The following ZNF282 variants were observed in gnomAD, a reference collection of about 807,000 sequenced individuals.
ZNF282 encodes the protein HTLV-I U5 repressive element-binding protein 1.
Under a neutral mutation model 61.9 loss-of-function variants are expected in ZNF282, and 30 were observed. The observed-to-expected ratio is 0.48, with a 90% CI of 0.36 to 0.66. The LOEUF is 0.66. ZNF282 is among the 30% of genes least tolerant of loss of function. ZNF282 has a pLI of 0.00. For synonymous variants in ZNF282, 396 were observed against 405.0 expected, an observed-to-expected ratio of 0.98 and a Z score of 0.27; for missense variants, 788 against 941.4, an observed-to-expected ratio of 0.84 and a Z score of 2.13.
At position 149,223,889 on chromosome 7, in the gene ZNF282, CA is replaced by C. The variant is rs1419916990; in HGVS notation, c.1259del (p.Gln420ArgfsTer147). On this transcript the variant is annotated frameshift_variant, in exon 8 of 8. Transcript: ENST00000610704. LOFTEE classifies it low-confidence loss of function (END_TRUNC). ...PQPQPQPPQP[Q>X]LQSQPQPQSL... ...GCCCCAGCCCCAGCCACCGCAGCCGCAGCTGCAGTCGCAGCCCCAGCCCCAG... is the reference window on the plus strand; with the variant it reads ...GCCCCAGCCCCAGCCACCGCAGCCGCGCTGCAGTCGCAGCCCCAGCCCCAG... The C allele has an allele frequency of 7.0e-7, 1 of 1,426,800 alleles. No homozygotes were observed. Among genetic ancestry groups the C allele is most frequent in the Admixed American group, 2.8e-5 (1 of 35,138 alleles). The allele number at this position is 1,426,800 out of a possible 1,614,324, so 88.4% of individuals were successfully genotyped here.
At chr7:149,216,712 G>A (rs544374245) in intron 7 of ZNF282, among the ~76,000 whole-genome samples, 51 of 152,172 alleles carry the variant, frequency 3.4e-4, no homozygotes, top group Non-Finnish European at 5.9e-4. Flanking sequence ...GGGGAGAAGA[G>A]TCAGGGTAGA....
At chr7:149,215,125 TA>T (rs1796142618) in intron 7 of ZNF282, among the ~76,000 whole-genome samples, 1 of 151,886 alleles carries the variant, frequency 6.6e-6, no homozygotes, top group Non-Finnish European at 1.5e-5. Context: ...ATGGCTGACC[TA>T]GTGTCTTCTG....
chr7:149,206,543 A>T, intron 2 of ZNF282, 153 bp from the exon 3 acceptor site: 1 of 1,066,748 alleles, frequency 9.4e-7, no homozygotes, highest in Non-Finnish European at 1.4e-6. Flanking sequence ...GACAGAGAGG[A>T]CTGACTCCAC....
At chr7:149,216,422 C>T (rs1353277396) in intron 7 of ZNF282, among the ~76,000 whole-genome samples, 4 of 152,162 alleles carry the variant, frequency 2.6e-5, no homozygotes, top group Non-Finnish European at 5.9e-5. Context: ...TTTGAAGGAC[C>T]TTTGAACCCT....
At position 149,217,521 on chromosome 7, in the gene ZNF282, G is replaced by A. The variant is rs144374019; in HGVS notation, c.1180+3707G>A. Among the ~76,000 whole-genome samples, 67 of 152,136 alleles carry A rather than the reference G, an allele frequency of 4.4e-4. 1 individual carries two copies. Among genetic ancestry groups the A allele is most frequent in the Non-Finnish European group, 8.5e-4 (58 of 67,984 alleles). Reference sequence around the variant, plus strand: ...GGAGGTTGCAGTGAGCCAAGATTGCGCCCCTGCACTACAGCCTGGGTGGCA... The same window carrying A: ...GGAGGTTGCAGTGAGCCAAGATTGCACCCCTGCACTACAGCCTGGGTGGCA... On this transcript the variant is annotated intron_variant, in intron 7 of 7. Coordinates refer to ENST00000610704, the MANE Select transcript of ZNF282 (RefSeq NM_003575.4).
At chr7:149,223,788 T>C in intron 7 of ZNF282, 24 bp from the exon 8 acceptor site, 1 of 1,479,952 alleles carries the variant, frequency 6.8e-7, no homozygotes, top group Non-Finnish European at 8.9e-7. Context: ...CCTGTCAGCA[T>C]GTCACTTCTT....
chr7:149,207,191 G>A (rs1334902705), intron 3 of ZNF282, among the ~76,000 whole-genome samples, 160 bp from the exon 4 acceptor site: 1 of 65,200 alleles, frequency 1.5e-5, no homozygotes, highest in Admixed American at 1.8e-4. Flanking sequence ...GGCATCTATC[G>A]ACTCGTTTTC....
At chr7:149,207,220 G>A (rs1796005636) in intron 3 of ZNF282, 131 bp from the exon 4 acceptor site, 4 of 1,177,892 alleles carry the variant, frequency 3.4e-6, no homozygotes, top group Non-Finnish European at 4.6e-6. Flanking sequence ...CGCCTAACTC[G>A]CATAACTGCT....
chr7:149,224,533 G>A lies in ZNF282; in HGVS notation c.1902G>A (p.Glu634=), dbSNP rs1399738255. 1 of 1,611,502 alleles carries A rather than the reference G, an allele frequency of 6.2e-7. No individual in the cohort carries two copies. The highest frequency in any genetic ancestry group is 2.2e-5 in the East Asian group (1 of 44,874). The stretch of plus-strand genomic sequence containing the variant: ...GCGAGCGCCCCTACACGTGCGGCGA[G>A]TGCGGCAAGAGCTTCCGCTACAAGG... The part of the protein sequence containing the change: ...HTGERPYTCG[E]CGKSFRYKES... The change falls in exon 8 of 8, where the codon GAG becomes GAA. Residue 634 remains glutamate, a synonymous_variant. Coordinates refer to ENST00000610704, the MANE Select transcript of ZNF282 (RefSeq NM_003575.4).
intron 3 of ZNF282, 43 bp from the exon 4 acceptor site, chr7:149,207,308 G>A: frequency 6.4e-7 from 1 of 1,567,572 alleles, no homozygotes; most frequent in South Asian, 1.2e-5. Context: ...GGATGCGTTG[G>A]TCAACTTCAC....
chr7:149,221,985 G>A (rs894998723), intron 7 of ZNF282, among the ~76,000 whole-genome samples: 1 of 151,838 alleles, frequency 6.6e-6, no homozygotes, highest in Non-Finnish European at 1.5e-5. Context: ...CCCCTAAATT[G>A]GGGAGCAGGA....
rs764978893 is a variant in ZNF282, at chr7:149,198,509, C to T, written c.342C>T (p.Ala114=). 2 of 1,614,182 alleles carry T rather than the reference C, an allele frequency of 1.2e-6. No homozygotes were observed. The highest frequency in any genetic ancestry group is 1.7e-6 in the Non-Finnish European group (2 of 1,180,040). ...AIQAVERKVD[A]QASQLLNLEG... Reference sequence around the variant, plus strand: ...AGGCTGTGGAGAGGAAGGTGGATGCCCAGGCCAGCCAGCTGCTGAACCTGG... The same window carrying T: ...AGGCTGTGGAGAGGAAGGTGGATGCTCAGGCCAGCCAGCTGCTGAACCTGG... The change falls in exon 2 of 8, where the codon GCC becomes GCT. Residue 114 remains alanine (A), a synonymous_variant. Transcript: ENST00000610704. The surrounding 1 kb of genome is among the most constrained non-coding windows in gnomAD (Gnocchi z 4.3).
chr7:149,200,817 G>C (rs898296617), intron 2 of ZNF282, among the ~76,000 whole-genome samples: 1 of 152,042 alleles, frequency 6.6e-6, no homozygotes, highest in East Asian at 1.9e-4. Flanking sequence ...GGCTGGTCTC[G>C]AACTCCTGAC....
Position 149,195,564 on chromosome 7 carries a change from C to A in ZNF282, c.-26C>A. On this transcript the variant is annotated 5_prime_UTR_variant, in exon 1 of 8. Transcript: ENST00000610704. ...AAACGTTCTTCTTCTCCCTGGCCGACCCGAGCGGGGAACAGCACTCCCAGG... is the reference window on the plus strand; with the variant it reads ...AAACGTTCTTCTTCTCCCTGGCCGAACCGAGCGGGGAACAGCACTCCCAGG... 6.2e-7 allele frequency: 1 copy of A among 1,606,160 alleles called. No individual in the cohort carries two copies. Among genetic ancestry groups the A allele is most frequent in the South Asian group, 1.1e-5 (1 of 90,680 alleles).
intron 7 of ZNF282, among the ~76,000 whole-genome samples, chr7:149,220,252 C>G (rs966088757): frequency 2.0e-5 from 3 of 151,946 alleles, no homozygotes; most frequent in Non-Finnish European, 4.4e-5. Context: ...ACTAAAAATA[C>G]AAAAAAATTA....
chr7:149,212,144 T>G (rs1796093938), intron 5 of ZNF282, among the ~76,000 whole-genome samples: 1 of 152,204 alleles, frequency 6.6e-6, no homozygotes, highest in South Asian at 2.1e-4. Context: ...AAGACTGTAA[T>G]GTTACTCCCC....
rs1317004667 is a variant in ZNF282 at position 149,224,534 on chromosome 7, T to TGCGGCAAGA, written c.1906_1914dup (p.Gly636_Ser638dup). The TGCGGCAAGA allele has an allele frequency of 6.2e-7, 1 of 1,611,296 alleles. No homozygotes were observed. Among genetic ancestry groups the TGCGGCAAGA allele is most frequent in the Non-Finnish European group, 8.5e-7 (1 of 1,179,782 alleles). On this transcript the variant is annotated inframe_insertion, in exon 8 of 8. Transcript: ENST00000610704. Reference sequence around the variant, plus strand: ...CGAGCGCCCCTACACGTGCGGCGAGTGCGGCAAGAGCTTCCGCTACAAGGA... The same window carrying TGCGGCAAGA: ...CGAGCGCCCCTACACGTGCGGCGAGTGCGGCAAGAGCGGCAAGAGCTTCCGCTACAAGGA...
intron 4 of ZNF282, among the ~76,000 whole-genome samples, chr7:149,209,020 C>CAAAAAAAAAAAAAAA (rs58064988): frequency 1.6e-5 from 1 of 61,726 alleles, no homozygotes; most frequent in Admixed American, 2.2e-4. Context: ...GACTTCATCT[C>CAAAAAAAAAAAAAAA]AAAAAAAAAA....
chr7:149,214,152 G>A (rs1796128267), intron 7 of ZNF282, among the ~76,000 whole-genome samples: 1 of 152,062 alleles, frequency 6.6e-6, no homozygotes, highest in African/African-American at 2.4e-5. Flanking sequence ...TTCCTCCCTC[G>A]CCTCTCCCAG....
Sources: allele counts gnomAD v4.1 joint callset (sites outside exome capture counted in the v4.1 genomes callset), GRCh38; gene constraint gnomAD v4.1.1; non-coding constraint Gnocchi (gnomAD v3.1); transcripts MANE v1.5; gene names NCBI Gene and HGNC (gene_info 2026-07-23, HGNC 2026-07-21).